Variants in METTL8 observed in about 807,000 individuals in gnomAD.
METTL8 encodes tRNA N(3)-cytidine methyltransferase METTL8, mitochondrial.
In METTL8, 32 loss-of-function variants were observed where a neutral mutation model predicts 48.7. The ratio of observed to expected loss-of-function variants is 0.66; its 90% CI spans 0.50 to 0.88. The LOEUF (loss-of-function observed/expected upper bound fraction) is 0.88. METTL8 is among the 40% of genes least tolerant of loss of function. METTL8 has a pLI of 0.00. For missense variants in METTL8, 464 were observed against 474.4 expected, an observed-to-expected ratio of 0.98 and a Z score of 0.20; for synonymous variants, 136 against 157.1, an observed-to-expected ratio of 0.87 and a Z score of 1.01.
intron 3 of METTL8, among the ~76,000 whole-genome samples, chr2:171,350,300 T>C (rs1683761320): frequency 6.6e-6 from 1 of 152,238 alleles, no homozygotes. Context: ...ACTCATCCTT[T>C]TTTATAGCTG....
chr2:171,331,960 A>C (rs2105400081), intron 5 of METTL8, 93 bp from the exon 6 acceptor site: 223 of 858,548 alleles, frequency 2.6e-4, no homozygotes, highest in Middle Eastern at 7.1e-4. Context: ...ACCATAGCTC[A>C]CTATAACCTT....
At chr2:171,412,530 C>A (rs140898023) in intron 1 of METTL8, among the ~76,000 whole-genome samples, 6 of 152,010 alleles carry the variant, frequency 3.9e-5, no homozygotes, top group Admixed American at 1.3e-4. Flanking sequence ...TTTAGGCAGT[C>A]TTCAAAAGGC....
intron 1 of METTL8, among the ~76,000 whole-genome samples, chr2:171,418,652 TAAGAG>T (rs1691565247): frequency 6.6e-6 from 1 of 152,026 alleles, no homozygotes; most frequent in Non-Finnish European, 1.5e-5. Flanking sequence ...CTTTGGCCAT[TAAGAG>T]CTCTTTCAAG....
intron 2 of METTL8, among the ~76,000 whole-genome samples, chr2:171,364,138 C>T (rs896547461): frequency 6.6e-6 from 1 of 151,972 alleles, no homozygotes; most frequent in Non-Finnish European, 1.5e-5. Flanking sequence ...ATTATAATTA[C>T]AACTGTTTAA....
At chr2:171,330,275 G>C (rs763155098) in intron 7 of METTL8, among the ~76,000 whole-genome samples, 2 of 152,172 alleles carry the variant, frequency 1.3e-5, no homozygotes, top group Non-Finnish European at 2.9e-5. Flanking sequence ...TTCTGAATTT[G>C]TAATTTCCTT....
intron 7 of METTL8, among the ~76,000 whole-genome samples, chr2:171,327,839 T>TA (rs1278635745): frequency 6.6e-6 from 1 of 152,256 alleles, no homozygotes; most frequent in Non-Finnish European, 1.5e-5. Context: ...ATCTAAACCT[T>TA]AAAATATTCA....
At chr2:171,399,154 A>G (rs1183383886) in intron 1 of METTL8, among the ~76,000 whole-genome samples, 2 of 152,248 alleles carry the variant, frequency 1.3e-5, no homozygotes, top group East Asian at 3.9e-4. Flanking sequence ...CAGAACAAGC[A>G]AGACTTTAGG....
chr2:171,350,412 A>G (rs974178444), intron 3 of METTL8, among the ~76,000 whole-genome samples: 1 of 152,190 alleles, frequency 6.6e-6, no homozygotes, highest in African/African-American at 2.4e-5. Flanking sequence ...GAATAGTGCC[A>G]CAATAAACAT....
chr2:171,394,469 C>T (rs1040211420), intron 1 of METTL8, among the ~76,000 whole-genome samples: 11 of 151,822 alleles, frequency 7.2e-5, no homozygotes, highest in African/African-American at 2.7e-4. Context: ...AAGATACAAC[C>T]AGATTGGATT....
At chr2:171,391,181 T>A (rs568108558) in intron 2 of METTL8, among the ~76,000 whole-genome samples, 2 of 152,374 alleles carry the variant, frequency 1.3e-5, no homozygotes, top group East Asian at 3.9e-4. Flanking sequence ...CACTGAAGGC[T>A]CAGATGACTG....
At chr2:171,391,388 C>A (rs1688565379) in intron 2 of METTL8, among the ~76,000 whole-genome samples, 1 of 152,200 alleles carries the variant, frequency 6.6e-6, no homozygotes, top group Non-Finnish European at 1.5e-5. Flanking sequence ...AAACCTACAA[C>A]ATTTCTGAGG....
chr2:171,329,336 T>C (rs1685285400), intron 7 of METTL8, among the ~76,000 whole-genome samples: 1 of 152,228 alleles, frequency 6.6e-6, no homozygotes, highest in African/African-American at 2.4e-5. Context: ...GAAAATACAT[T>C]ATCTGAACTA....
chr2:171,347,218 CT>C (rs1683364270), intron 3 of METTL8, among the ~76,000 whole-genome samples: 1 of 152,204 alleles, frequency 6.6e-6, no homozygotes, highest in South Asian at 2.1e-4. Context: ...CAGAAAGAGA[CT>C]GGACATACTA....
At chr2:171,404,308 G>A (rs774399815) in intron 1 of METTL8, among the ~76,000 whole-genome samples, 8 of 151,774 alleles carry the variant, frequency 5.3e-5, no homozygotes, top group Non-Finnish European at 7.4e-5. Context: ...TGCAGGCATC[G>A]TGACATAGTG....
chr2:171,329,239 C>T (rs908614198), intron 7 of METTL8, among the ~76,000 whole-genome samples: 2 of 152,216 alleles, frequency 1.3e-5, no homozygotes, highest in African/African-American at 2.4e-5. Flanking sequence ...GATCCACCCA[C>T]CTCGGCTTCC....
At position 171,318,454 on chromosome 2, in the gene METTL8, C is replaced by G. The variant is rs911153076; in HGVS notation, c.*5718G>C. 6.6e-6 allele frequency: 1 copy of G among 152,188 alleles called. No individual in the cohort carries two copies. Among genetic ancestry groups the G allele is most frequent in the Admixed American group, 6.5e-5 (1 of 15,280 alleles). The allele number at this position is 152,188 out of a possible 1,614,324, so 9.4% of individuals were successfully genotyped here. A position where few individuals can be genotyped will look rare whatever the true frequency, so the allele number is the denominator to read the frequency against. ...ACATTTTAAGGGTTTTTTTTCCCCA[C>G]TGCAGTACAGAATGCTTTTTTTCTT... On this transcript the variant is annotated 3_prime_UTR_variant, in exon 10 of 10. Coordinates refer to ENST00000375258, the MANE Select transcript of METTL8 (RefSeq NM_001321154.2).
chr2:171,356,375 G>A (rs1684540675), intron 3 of METTL8, among the ~76,000 whole-genome samples: 2 of 152,148 alleles, frequency 1.3e-5, no homozygotes, highest in South Asian at 2.1e-4. Flanking sequence ...CTGACCTCAG[G>A]TGATCCACCC....
At chr2:171,420,026 C>T (rs577101968) in intron 1 of METTL8, among the ~76,000 whole-genome samples, 1 of 151,804 alleles carries the variant, frequency 6.6e-6, no homozygotes, top group Admixed American at 6.6e-5. Context: ...TGAGTGTTCC[C>T]ACCAAGCAGA....
intron 2 of METTL8, among the ~76,000 whole-genome samples, chr2:171,370,363 T>C (rs572642731): frequency 2.6e-5 from 4 of 152,234 alleles, no homozygotes; most frequent in African/African-American, 9.6e-5. Flanking sequence ...ACATTGTTCA[T>C]TTATCAATTA....
Sources: gnomAD v4.1 joint callset for allele counts (sites outside exome capture counted in the v4.1 genomes callset) on GRCh38, gnomAD v4.1.1 for gene constraint, MANE v1.5 for transcripts, NCBI Gene and HGNC (gene_info 2026-07-23, HGNC 2026-07-21) for gene names.